PDX1: variants seen among roughly 807,000 people sequenced by gnomAD.
The protein encoded by PDX1 is pancreas/duodenum homeobox protein 1.
PDX1 carries 7 observed loss-of-function variants against 11.1 expected under a neutral mutation model. The ratio of observed to expected loss-of-function variants is 0.63; its 90% CI spans 0.36 to 1.19. PDX1 has a LOEUF of 1.19. Ranked by LOEUF, PDX1 falls within the 50% of genes most tolerant of loss-of-function variation. The pLI is 0.02. For missense variants in PDX1, 449 were observed against 412.1 expected, an observed-to-expected ratio of 1.09 and a Z score of -0.78; for synonymous variants, 232 against 196.2, an observed-to-expected ratio of 1.18 and a Z score of -1.53.
Position 27,924,622 on chromosome 13 carries a change from A to C in PDX1, c.773A>C (p.Glu258Ala). The C allele has an allele frequency of 6.8e-7, 1 of 1,471,656 alleles. No homozygotes were observed. 91.2% of individuals were successfully genotyped at this position (1,471,656 alleles called of 1,614,324 possible). ...CCCGCTGCCCCCGTTGCCGCCCGAG[A>C]GGGCCGCCTGCCGCCTGGCCTTAGC... ...VPPAAPVAAREGRLPPGLSAS... is the reference protein window; with the variant it reads ...VPPAAPVAARAGRLPPGLSAS... Residue 258 changes from glutamate to alanine, a missense_variant, in exon 2 of 2, where the codon GAG becomes GCG. Around this residue, in one of 3 missense-constraint regions of PDX1, gnomAD observed 139 missense variants for 121.4 expected, o/e 1.14. Transcript: ENST00000381033. This position sits in a 1 kb window ranked among gnomAD's most constrained non-coding sequence, Gnocchi z 4.8.
chr13:27,920,657 C>G, intron 1 of PDX1, 113 bp downstream of exon 1: 1 of 1,104,024 alleles, frequency 9.1e-7, no homozygotes, highest in Non-Finnish European at 1.4e-6. Flanking sequence ...TATCCCGGGT[C>G]GGACTAAACT....
Position 27,924,754 on chromosome 13 carries a change from C to T in PDX1, c.*53C>T. On this transcript the variant is annotated 3_prime_UTR_variant, in exon 2 of 2. Transcript: ENST00000381033. The surrounding 1 kb of genome is among the most constrained non-coding windows in gnomAD (Gnocchi z 4.8). ...GCTTCAACCACTCGCCGAGGAGGAG[C>T]AGAGGGCCTAGGAGGACCCCGGGCG... is the stretch of plus-strand genomic sequence containing the variant. 7.3e-7 allele frequency: 1 copy of T among 1,374,350 alleles called. No homozygotes were observed. The highest frequency in any genetic ancestry group is 9.5e-7 in the Non-Finnish European group (1 of 1,056,878). The allele number at this position is 1,374,350 out of a possible 1,614,324, so 85.1% of individuals were successfully genotyped here.
intron 1 of PDX1, among the ~76,000 whole-genome samples, chr13:27,921,199 C>T (rs959131619): frequency 1.3e-5 from 2 of 152,270 alleles, no homozygotes; most frequent in Non-Finnish European, 2.9e-5. Flanking sequence ...ACGTCAGAGC[C>T]TGGCAGCTAG....
chr13:27,924,789 C>A lies in PDX1; in HGVS notation c.*88C>A. ...AGGAGGACCCCGGGCGTGGACCACC[C>A]GCCCTGGCAGTTGAATGGGGCGGCA... On this transcript the variant is annotated 3_prime_UTR_variant, in exon 2 of 2. Coordinates refer to ENST00000381033, the MANE Select transcript of PDX1 (RefSeq NM_000209.4). This position sits in a 1 kb window ranked among gnomAD's most constrained non-coding sequence, Gnocchi z 4.8. The A allele has an allele frequency of 3.7e-6, 4 of 1,095,812 alleles. No homozygotes were observed. Among genetic ancestry groups the A allele is most frequent in the Non-Finnish European group, 1.2e-6 (1 of 840,854 alleles). The allele number at this position is 1,095,812 out of a possible 1,614,324, so 67.9% of individuals were successfully genotyped here.
chr13:27,924,577 C>G lies in PDX1; in HGVS notation c.728C>G (p.Pro243Arg), dbSNP rs1444351717. 1.3e-6 allele frequency: 2 copies of G among 1,505,358 alleles called. No individual in the cohort carries two copies. Among genetic ancestry groups the G allele is most frequent in the African/African-American group, 2.9e-5 (2 of 69,964 alleles). 93.3% of individuals were successfully genotyped at this position (1,505,358 alleles called of 1,614,324 possible). A position where few individuals can be genotyped will look rare whatever the true frequency, so the allele number is the denominator to read the frequency against. Reference protein sequence around the residue: ...EELLALPPPPPPGGAVPPAAP... With the variant: ...EELLALPPPPRPGGAVPPAAP... ...CTTCTGGCGCTGCCGCCGCCGCCGC[C>G]CCCCGGAGGTGCTGTGCCGCCCGCT... The change falls in exon 2 of 2, where the codon CCC (proline) becomes CGC (arginine). Residue 243 changes from proline to arginine, a missense_variant. Physicochemically the swap from Pro to Arg is moderately radical, Grantham distance 103. Around this residue, in one of 3 missense-constraint regions of PDX1, gnomAD observed 139 missense variants for 121.4 expected, o/e 1.14. Coordinates refer to ENST00000381033, the MANE Select transcript of PDX1 (RefSeq NM_000209.4). This position sits in a 1 kb window ranked among gnomAD's most constrained non-coding sequence, Gnocchi z 4.8.
Position 27,924,690 on chromosome 13 carries a change from G to C in PDX1, c.841G>C (p.Glu281Gln), listed in dbSNP as rs1357043267. The change falls in exon 2 of 2, where the codon GAA becomes CAA. Residue 281 changes from glutamate to glutamine, a missense_variant. By Grantham distance (29) the Glu-to-Gln change is conservative. Coordinates refer to ENST00000381033, the MANE Select transcript of PDX1 (RefSeq NM_000209.4). This position sits in a 1 kb window ranked among gnomAD's most constrained non-coding sequence, Gnocchi z 4.8. ...PSSVAPRRPQ[E>Q]PR ...CAGCGTCGCGCCTCGGCGGCCGCAG[G>C]AACCACGATGAGAGGCAGGAGCTGC... 31 of 1,472,016 alleles carry C rather than the reference G, an allele frequency of 2.1e-5. 1 individual carries two copies. The South Asian group carries it at 2.9e-4, about 14-fold the overall frequency. 91.2% of individuals were successfully genotyped at this position (1,472,016 alleles called of 1,614,324 possible).
At position 27,925,412 on chromosome 13, in the gene PDX1, C is replaced by G. The variant is rs1957817879; in HGVS notation, c.*711C>G. ...CCCTCCTCTTTCTCCTCCTCCTCCT[C>G]TTCTTCCCCCTCCTCTCCCTCCTCC... On this transcript the variant is annotated 3_prime_UTR_variant, in exon 2 of 2. Coordinates refer to ENST00000381033, the MANE Select transcript of PDX1 (RefSeq NM_000209.4). 6.7e-6 allele frequency: 1 copy of G among 149,306 alleles called. No individual in the cohort carries two copies. Among genetic ancestry groups the G allele is most frequent in the Admixed American group, 7.3e-5 (1 of 13,620 alleles). The allele number at this position is 149,306 out of a possible 1,614,324, so 9.2% of individuals were successfully genotyped here. A position where few individuals can be genotyped will look rare whatever the true frequency, so the allele number is the denominator to read the frequency against.
chr13:27,924,417 A>G lies in PDX1; in HGVS notation c.568A>G (p.Ile190Val), dbSNP rs747669305. The change falls in exon 2 of 2, where the codon ATC becomes GTC. Residue 190 changes from isoleucine to valine, a missense_variant. Ile to Val is a conservative substitution (Grantham distance 29). This residue lies in a region of PDX1 where 47 missense variants were observed against 78.2 expected (regional missense o/e 0.60). Coordinates refer to ENST00000381033, the MANE Select transcript of PDX1 (RefSeq NM_000209.4). This position sits in a 1 kb window ranked among gnomAD's most constrained non-coding sequence, Gnocchi z 4.8. ...CATGTTGAACTTGACCGAGAGACACATCAAGATCTGGTTCCAAAACCGCCG... is the reference window on the plus strand; with the variant it reads ...CATGTTGAACTTGACCGAGAGACACGTCAAGATCTGGTTCCAAAACCGCCG... ...AVMLNLTERH[I>V]KIWFQNRRMK... 2.1e-5 allele frequency: 34 copies of G among 1,613,170 alleles called. No individual in the cohort carries two copies. The highest frequency in any genetic ancestry group is 2.9e-5 in the Non-Finnish European group (34 of 1,179,930).
In PDX1 at chr13:27,926,016, C is replaced by G. The variant is rs954250190; in HGVS notation, c.*1315C>G. 1 of 152,248 alleles carries G rather than the reference C, an allele frequency of 6.6e-6. No homozygotes were observed. The highest frequency in any genetic ancestry group is 2.4e-5 in the African/African-American group (1 of 41,468). 9.4% of individuals were successfully genotyped at this position (152,248 alleles called of 1,614,324 possible). ...ACAACTATTCACGAGCCAGTATGAC[C>G]TTCACATCTTTAGAAATTATGAAAA... On this transcript the variant is annotated 3_prime_UTR_variant, in exon 2 of 2. Transcript: ENST00000381033.
In PDX1 at chr13:27,924,510, G is replaced by A. The variant is rs150559931; in HGVS notation, c.661G>A (p.Ala221Thr). The change falls in exon 2 of 2, where the codon GCG becomes ACG. Residue 221 changes from alanine (A) to threonine (T), a missense_variant. Physicochemically the swap from Ala to Thr is moderately conservative, Grantham distance 58. This residue lies in a region of PDX1 where 139 missense variants were observed against 121.4 expected (regional missense o/e 1.14). Transcript: ENST00000381033. This position sits in a 1 kb window ranked among gnomAD's most constrained non-coding sequence, Gnocchi z 4.8. ...GGTAVGGGGV[A>T]EPEQDCAVTS... ...GACAGCTGTCGGGGGTGGCGGGGTC[G>A]CGGAGCCTGAGCAGGACTGCGCCGT... 8 of 1,610,220 alleles carry A rather than the reference G, an allele frequency of 5.0e-6. No individual in the cohort carries two copies. The African/African-American group carries it at 1.1e-4, about 22-fold the overall frequency.
In PDX1 at chr13:27,925,148, T is replaced by G. The variant is rs1957815704; in HGVS notation, c.*447T>G. On this transcript the variant is annotated 3_prime_UTR_variant, in exon 2 of 2. Transcript: ENST00000381033. ...ACCTTAATCTGCCATAAAGCCATTCTTACTCGGGCGACCCCTTTAAGTTTA... is the reference window on the plus strand; with the variant it reads ...ACCTTAATCTGCCATAAAGCCATTCGTACTCGGGCGACCCCTTTAAGTTTA... The G allele has an allele frequency of 4.5e-6, 1 of 220,724 alleles. No homozygotes were observed. Among genetic ancestry groups the G allele is most frequent in the African/African-American group, 2.3e-5 (1 of 43,480 alleles). 13.7% of individuals were successfully genotyped at this position (220,724 alleles called of 1,614,324 possible).
chr13:27,921,550 T>C (rs2137503761), intron 1 of PDX1, among the ~76,000 whole-genome samples: 1 of 152,296 alleles, frequency 6.6e-6, no homozygotes, highest in African/African-American at 2.4e-5. Flanking sequence ...AGTTGCCTTT[T>C]CCTTTCAACT....
chr13:27,925,941 A>T lies in PDX1; in HGVS notation c.*1240A>T, dbSNP rs1046179539. Reference sequence around the variant, plus strand: ...GTGGACGTAATTCCTGTTCCGAGGTAGAGGCTGTGCTGAAGACAAGCACAG... The same window carrying T: ...GTGGACGTAATTCCTGTTCCGAGGTTGAGGCTGTGCTGAAGACAAGCACAG... On this transcript the variant is annotated 3_prime_UTR_variant, in exon 2 of 2. Transcript: ENST00000381033. The T allele has an allele frequency of 6.6e-6, 1 of 152,352 alleles. No homozygotes were observed. Among genetic ancestry groups the T allele is most frequent in the Non-Finnish European group, 1.5e-5 (1 of 68,120 alleles). 9.4% of individuals were successfully genotyped at this position (152,352 alleles called of 1,614,324 possible).
Position 27,924,143 on chromosome 13 carries a change from G to T in PDX1, c.407-113G>T. On this transcript the variant is annotated intron_variant, in intron 1 of 1. Coordinates refer to ENST00000381033, the MANE Select transcript of PDX1 (RefSeq NM_000209.4). The surrounding 1 kb of genome is among the most constrained non-coding windows in gnomAD (Gnocchi z 4.8). ...GATGCTGGGGCTTGGTGGCTCCGGC[G>T]GGAGCAGCTGGTAGGGCTAGGGCTC... 1.1e-6 allele frequency: 1 copy of T among 897,588 alleles called. No individual in the cohort carries two copies. Among genetic ancestry groups the T allele is most frequent in the East Asian group, 2.8e-5 (1 of 35,788 alleles). 55.6% of individuals were successfully genotyped at this position (897,588 alleles called of 1,614,324 possible).
chr13:27,924,166 C>G lies in PDX1; in HGVS notation c.407-90C>G. 8.6e-7 allele frequency: 1 copy of G among 1,168,534 alleles called. No homozygotes were observed. The allele number at this position is 1,168,534 out of a possible 1,614,324, so 72.4% of individuals were successfully genotyped here. ...GCGGGAGCAGCTGGTAGGGCTAGGG[C>G]TCCCTGGCCCCCCTTGAAGGGGTTG... On this transcript the variant is annotated intron_variant, in intron 1 of 1. Transcript: ENST00000381033. The surrounding 1 kb of genome is among the most constrained non-coding windows in gnomAD (Gnocchi z 4.8).
At chr13:27,920,651 C>A (rs1303739116) in intron 1 of PDX1, 107 bp downstream of exon 1, 3 of 1,178,226 alleles carry the variant, frequency 2.5e-6, no homozygotes, top group Middle Eastern at 2.0e-4. Flanking sequence ...TTGGATTATC[C>A]CGGGTCGGAC....
Position 27,924,621 on chromosome 13 carries a change from G to A in PDX1, c.772G>A (p.Glu258Lys). ...VPPAAPVAAREGRLPPGLSAS... is the reference protein window; with the variant it reads ...VPPAAPVAARKGRLPPGLSAS... ...GCCCGCTGCCCCCGTTGCCGCCCGAGAGGGCCGCCTGCCGCCTGGCCTTAG... is the reference window on the plus strand; with the variant it reads ...GCCCGCTGCCCCCGTTGCCGCCCGAAAGGGCCGCCTGCCGCCTGGCCTTAG... The change falls in exon 2 of 2, where the codon GAG becomes AAG. Residue 258 changes from glutamate to lysine, a missense_variant. Physicochemically the swap from Glu to Lys is moderately conservative, Grantham distance 56. Coordinates refer to ENST00000381033, the MANE Select transcript of PDX1 (RefSeq NM_000209.4). The surrounding 1 kb of genome is among the most constrained non-coding windows in gnomAD (Gnocchi z 4.8). 1 of 1,472,432 alleles carries A rather than the reference G, an allele frequency of 6.8e-7. No homozygotes were observed. The allele number at this position is 1,472,432 out of a possible 1,614,324, so 91.2% of individuals were successfully genotyped here.
chr13:27,924,279 G>C lies in PDX1; in HGVS notation c.430G>C (p.Glu144Gln), dbSNP rs1302908485. The change falls in exon 2 of 2, where the codon GAG becomes CAG. Residue 144 changes from glutamate to glutamine, a missense_variant. By Grantham distance (29) the Glu-to-Gln change is conservative. Coordinates refer to ENST00000381033, the MANE Select transcript of PDX1 (RefSeq NM_000209.4). This position sits in a 1 kb window ranked among gnomAD's most constrained non-coding sequence, Gnocchi z 4.8. ...WAGGAYAAEP[E>Q]ENKRTRTAYT... ...AGGCGGCGCCTACGCTGCGGAGCCG[G>C]AGGAGAACAAGCGGACGCGCACGGC... 34 of 1,607,766 alleles carry C rather than the reference G, an allele frequency of 2.1e-5. No individual in the cohort carries two copies. The highest frequency in any genetic ancestry group is 5.4e-5 in the African/African-American group (4 of 74,766).
At chr13:27,921,555 T>C (rs1394785713) in intron 1 of PDX1, among the ~76,000 whole-genome samples, 1 of 152,184 alleles carries the variant, frequency 6.6e-6, no homozygotes, top group East Asian at 1.9e-4. Context: ...CCTTTTCCTT[T>C]CAACTGGCAG....
Sources: allele counts gnomAD v4.1 joint callset (sites outside exome capture counted in the v4.1 genomes callset), GRCh38; gene constraint gnomAD v4.1.1; regional missense constraint gnomAD v4.1.1; non-coding constraint Gnocchi (gnomAD v3.1); transcripts MANE v1.5; gene names NCBI Gene and HGNC (gene_info 2026-07-23, HGNC 2026-07-21).